The following TAF1A variants were observed in gnomAD, a reference collection of about 807,000 sequenced individuals.
TAF1A encodes the protein TATA box-binding protein-associated factor RNA polymerase I subunit A.
In TAF1A, 42 loss-of-function variants were observed where a neutral mutation model predicts 61.6. The ratio of observed to expected loss-of-function variants is 0.68; its 90% CI spans 0.53 to 0.88. The LOEUF (loss-of-function observed/expected upper bound fraction) is 0.88. Ranked by LOEUF, TAF1A falls within the 40% of genes least tolerant of loss-of-function variation. The probability of loss-of-function intolerance (pLI) is 0.00; values close to 1 mark genes in which losing one functional copy is unlikely to be tolerated. For missense variants in TAF1A, 424 were observed against 518.7 expected (o/e 0.82, Z 1.77); for synonymous variants, 179 against 177.7 (o/e 1.01, Z -0.06).
chr1:222,572,247 A>G (rs1456876780), intron 5 of TAF1A, among the ~76,000 whole-genome samples: 2 of 151,720 alleles, frequency 1.3e-5, no homozygotes, highest in Non-Finnish European at 2.9e-5. Flanking sequence ...AGTACTACAA[A>G]GCTGTAGTAA....
chr1:222,583,928 T>C (rs1558154012), intron 3 of TAF1A, among the ~76,000 whole-genome samples, 200 bp downstream of exon 3: 1 of 151,774 alleles, frequency 6.6e-6, no homozygotes, highest in Non-Finnish European at 1.5e-5. Flanking sequence ...ATTATTGGAA[T>C]GAACATTTTA....
rs1660624491 is a variant in TAF1A at position 222,577,590 on chromosome 1, A to T, written c.459T>A (p.Ala153=). ...YLLHHGMLKD[A]KRNLSEAETW... is the part of the protein sequence containing the mutation. Reference sequence around the variant, plus strand: ...TCTCTGCCTCACTCAGATTTCTCTTAGCATCTTTAAGCATTCCATGATGCA... The same window carrying T: ...TCTCTGCCTCACTCAGATTTCTCTTTGCATCTTTAAGCATTCCATGATGCA... Residue 153 remains alanine (A), a synonymous_variant, in exon 5 of 11, where the codon GCT becomes GCA. Coordinates refer to ENST00000352967, the MANE Select transcript of TAF1A (RefSeq NM_005681.4). The T allele has an allele frequency of 6.2e-7, 1 of 1,613,950 alleles. No individual in the cohort carries two copies. The highest frequency in any genetic ancestry group is 8.5e-7 in the Non-Finnish European group (1 of 1,179,906).
chr1:222,566,633 A>G (rs1486353562), intron 7 of TAF1A, among the ~76,000 whole-genome samples: 2 of 152,098 alleles, frequency 1.3e-5, no homozygotes, highest in African/African-American at 2.4e-5. Flanking sequence ...CCGGGCTCCT[A>G]TGAGAATCTA....
At chr1:222,577,782 G>T in intron 4 of TAF1A, 139 bp from the exon 5 acceptor site, 1 of 687,648 alleles carries the variant, frequency 1.5e-6, no homozygotes, top group Non-Finnish European at 2.5e-6. Flanking sequence ...TTTGATGTTG[G>T]GTACAATCTG....
At chr1:222,584,035 A>C in intron 3 of TAF1A, 93 bp downstream of exon 3, 1 of 1,438,744 alleles carries the variant, frequency 7.0e-7, no homozygotes, top group Non-Finnish European at 9.4e-7. Context: ...TAGCAAAATC[A>C]CTGAGATTCT....
intron 10 of TAF1A, among the ~76,000 whole-genome samples, chr1:222,558,982 T>C (rs958471649): frequency 2.6e-5 from 4 of 152,224 alleles, no homozygotes; most frequent in Admixed American, 1.3e-4. Context: ...ATTACCAATA[T>C]GGCATAAGTA....
intron 10 of TAF1A, 38 bp downstream of exon 10, chr1:222,561,326 A>G (rs753528494): frequency 1.1e-5 from 17 of 1,570,284 alleles, no homozygotes; most frequent in Non-Finnish European, 1.3e-5. Context: ...AAAATCAGCC[A>G]AAGCTGTGTC....
intron 3 of TAF1A, among the ~76,000 whole-genome samples, chr1:222,580,336 T>C (rs1330255947): frequency 2.0e-5 from 3 of 152,230 alleles, no homozygotes; most frequent in Non-Finnish European, 4.4e-5. Context: ...ATTTATTCTA[T>C]ATTTAGAATG....
Position 222,569,521 on chromosome 1 carries a change from T to C in TAF1A, c.883A>G (p.Ser295Gly), listed in dbSNP as rs749635366. The C allele has an allele frequency of 6.2e-7, 1 of 1,614,008 alleles. No individual in the cohort carries two copies. The change falls in exon 7 of 11, where the codon AGT (serine) becomes GGT (glycine). Residue 295 changes from serine (S) to glycine (G), a missense_variant. By Grantham distance (56) the Ser-to-Gly change is moderately conservative. Coordinates refer to ENST00000352967, the MANE Select transcript of TAF1A (RefSeq NM_005681.4). The part of the protein sequence containing the change: ...RQKAPRSKLI[S>G]VLKILYQIVP... Reference sequence around the variant, plus strand: ...TAAAAATTCTATACCTTAAGCACACTTATCAATTTTGATCTTGGTGCCTTC... The same window carrying C: ...TAAAAATTCTATACCTTAAGCACACCTATCAATTTTGATCTTGGTGCCTTC...
chr1:222,574,398 C>T (rs553484620), intron 5 of TAF1A, among the ~76,000 whole-genome samples: 2 of 152,142 alleles, frequency 1.3e-5, no homozygotes, highest in African/African-American at 2.4e-5. Context: ...ATCAGATTGT[C>T]GGTAAAGTAC....
At chr1:222,587,290 T>A (rs915641529) in intron 2 of TAF1A, among the ~76,000 whole-genome samples, 2 of 152,198 alleles carry the variant, frequency 1.3e-5, no homozygotes, top group African/African-American at 4.8e-5. Flanking sequence ...TCGTTAAAAG[T>A]GTAAGCTTTG....
intron 4 of TAF1A, among the ~76,000 whole-genome samples, chr1:222,578,359 A>G (rs1430325537): frequency 6.6e-6 from 1 of 152,186 alleles, no homozygotes; most frequent in Non-Finnish European, 1.5e-5. Context: ...CCATCTTTCA[A>G]GTGGCTACCA....
chr1:222,580,001 AT>A, intron 3 of TAF1A, 129 bp from the exon 4 acceptor site: 1 of 1,061,520 alleles, frequency 9.4e-7, no homozygotes. Context: ...TACCGTCAAC[AT>A]TTTACTCTAC....
At chr1:222,582,413 A>G (rs1160089836) in intron 3 of TAF1A, among the ~76,000 whole-genome samples, 1 of 152,240 alleles carries the variant, frequency 6.6e-6, no homozygotes, top group African/African-American at 2.4e-5. Flanking sequence ...CACAACCACA[A>G]GGATGACTAT....
intron 2 of TAF1A, among the ~76,000 whole-genome samples, chr1:222,587,132 T>C (rs1347354450): frequency 6.6e-6 from 1 of 152,218 alleles, no homozygotes; most frequent in Non-Finnish European, 1.5e-5. Flanking sequence ...GTATCATTCA[T>C]TCAAATCTGC....
downstream of TAF1A, among the ~76,000 whole-genome samples, chr1:222,554,952 A>G (rs941135066): frequency 2.6e-5 from 4 of 152,236 alleles, no homozygotes; most frequent in South Asian, 4.1e-4. Context: ...ATACAACTCA[A>G]TAACAAAAAT....
Position 222,577,626 on chromosome 1 carries a change from T to C in TAF1A, c.423A>G (p.Ala141=), listed in dbSNP as rs1464411027. The C allele has an allele frequency of 4.3e-6, 7 of 1,613,758 alleles. No homozygotes were observed. Among genetic ancestry groups the C allele is most frequent in the Non-Finnish European group, 5.9e-6 (7 of 1,179,862 alleles). ...MNYLKISLQH[A]LYLLHHGMLK... is the part of the protein sequence containing the mutation. ...GCATTCCATGATGCAGAAGGTATAA[T>C]GCATGTTGTAAGGAGATCTGCAAAA... Residue 141 remains alanine (A), a synonymous_variant, in exon 5 of 11, where the codon GCA becomes GCG. Transcript: ENST00000352967.
chr1:222,585,349 T>TA (rs201355467), intron 2 of TAF1A, among the ~76,000 whole-genome samples: 2 of 151,036 alleles, frequency 1.3e-5, no homozygotes, highest in Non-Finnish European at 2.9e-5. Context: ...TTATGTCAAT[T>TA]AAAAAAAATA....
intron 5 of TAF1A, among the ~76,000 whole-genome samples, chr1:222,572,439 A>T (rs527607349): frequency 6.6e-6 from 1 of 151,984 alleles, no homozygotes; most frequent in African/African-American, 2.4e-5. Flanking sequence ...CTGAAGCCTC[A>T]CTCTACCTCC....
Sources: allele counts gnomAD v4.1 joint callset (sites outside exome capture counted in the v4.1 genomes callset), GRCh38; gene constraint gnomAD v4.1.1; transcripts MANE v1.5; gene names NCBI Gene and HGNC (gene_info 2026-07-23, HGNC 2026-07-21).